The following FAM135B variants were observed in gnomAD, a reference collection of about 807,000 sequenced individuals.
The protein encoded by FAM135B is family with sequence similarity 135 member B, also known as protein FAM135B.
Under a neutral mutation model 127.7 loss-of-function variants are expected in FAM135B, and 43 were observed. The observed-to-expected ratio is 0.34, with a 90% CI of 0.26 to 0.43. The LOEUF is 0.43. Among genes scored for constraint, FAM135B ranks in the 20% least tolerant of loss-of-function variants. The pLI is 1.00. For synonymous variants in FAM135B, 670 were observed against 665.1 expected, an observed-to-expected ratio of 1.01 and a Z score of -0.11; for missense variants, 1,558 against 1,725.6, an observed-to-expected ratio of 0.90 and a Z score of 1.72.
rs1318601129 is a variant in FAM135B at position 138,269,037 on chromosome 8, G to T, written c.158-3195C>A. Among the ~76,000 whole-genome samples, 7 of 152,280 alleles carry T rather than the reference G, an allele frequency of 4.6e-5. No homozygotes were observed. In the East Asian group the frequency reaches 9.7e-4, roughly 21 times the overall value. ...GAGAAAAGAGAATACAGCAGAGGAG[G>T]TAAGAGGAACTCTTCAGGTTTCAGC... On this transcript the variant is annotated intron_variant, in intron 3 of 19. Transcript: ENST00000395297.
In FAM135B at chr8:138,160,570, TG is replaced by T. The variant is rs1233679747; in HGVS notation, c.1258+7324del. On this transcript the variant is annotated intron_variant, in intron 12 of 19. Transcript: ENST00000395297. ...TGCCCAGCTCATTTTTTTTTTTTTT[TG>T]TATTTTAGTGGAGATGGGGTTTCAC... 1.8e-3 allele frequency among the ~76,000 whole-genome samples: 271 copies of T among 149,078 alleles called. 3 individuals carry two copies. Among genetic ancestry groups the T allele is most frequent in the African/African-American group, 5.0e-3 (204 of 40,542 alleles).
chr8:138,390,595 G>A (rs1832512742), intron 1 of FAM135B, among the ~76,000 whole-genome samples: 1 of 152,126 alleles, frequency 6.6e-6, no homozygotes, highest in African/African-American at 2.4e-5. Flanking sequence ...TATCTCCAGT[G>A]CAGAGTAGGT....
chr8:138,332,500 G>A (rs146540430), intron 2 of FAM135B, among the ~76,000 whole-genome samples: 8 of 152,114 alleles, frequency 5.3e-5, no homozygotes, highest in African/African-American at 9.7e-5. Flanking sequence ...ACAAAGTCAC[G>A]TGTGGATTTA....
At chr8:138,408,141 C>A (rs1313061183) in intron 1 of FAM135B, among the ~76,000 whole-genome samples, 1 of 152,124 alleles carries the variant, frequency 6.6e-6, no homozygotes, top group African/African-American at 2.4e-5. Context: ...GCTGCAATAG[C>A]CCCTAACAAA....
intron 1 of FAM135B, among the ~76,000 whole-genome samples, chr8:138,432,664 G>A (rs529684690): frequency 2.0e-5 from 3 of 151,858 alleles, no homozygotes; most frequent in African/African-American, 7.2e-5. Context: ...AACAGAAGAG[G>A]GCAAAATCTA....
intron 14 of FAM135B, among the ~76,000 whole-genome samples, chr8:138,147,666 T>A (rs1177480327): frequency 6.6e-6 from 1 of 152,218 alleles, no homozygotes; most frequent in Admixed American, 6.5e-5. Context: ...GTTGTGGTTT[T>A]CATGACTTGT....
chr8:138,431,309 C>A (rs886336914), intron 1 of FAM135B, among the ~76,000 whole-genome samples: 1 of 152,134 alleles, frequency 6.6e-6, no homozygotes, highest in African/African-American at 2.4e-5. Context: ...ACTGAACTAC[C>A]AAACAAGTAA....
intron 7 of FAM135B, among the ~76,000 whole-genome samples, chr8:138,240,499 T>C (rs1543084): frequency 0.047 from 7,179 of 152,314 alleles, 211 homozygotes; most frequent in Non-Finnish European, 0.059. Flanking sequence ...CTCAGTGTCT[T>C]GCTTCTCAGC....
chr8:138,367,974 T>A lies in FAM135B; in HGVS notation c.10A>T (p.Ile4Leu), dbSNP rs751078339. The change falls in exon 2 of 20, where the codon ATA becomes TTA. Residue 4 changes from isoleucine to leucine, a missense_variant. Physicochemically the swap from Ile to Leu is conservative, Grantham distance 5. Around this residue, in one of 5 missense-constraint regions of FAM135B, gnomAD observed 199 missense variants for 245.7 expected, o/e 0.81. Transcript: ENST00000395297. MSE[I>L]QGTVEFSVEL... is the part of the protein sequence containing the mutation. ...ACCGAAAACTCAACCGTTCCTTGTA[T>A]TTCAGACATGATCTTTTTGGCTCAT... 8.1e-6 allele frequency: 13 copies of A among 1,613,754 alleles called. No homozygotes were observed. Among genetic ancestry groups the A allele is most frequent in the Non-Finnish European group, 6.8e-6 (8 of 1,179,882 alleles).
chr8:138,337,843 A>T (rs1828727041), intron 2 of FAM135B, among the ~76,000 whole-genome samples: 1 of 152,188 alleles, frequency 6.6e-6, no homozygotes, highest in South Asian at 2.1e-4. Context: ...GCATCATGCT[A>T]CCTGACTTCA....
At chr8:138,278,750 G>A (rs1399734972) in intron 3 of FAM135B, among the ~76,000 whole-genome samples, 1 of 151,742 alleles carries the variant, frequency 6.6e-6, no homozygotes, top group Non-Finnish European at 1.5e-5. Context: ...TTTTAGTAGA[G>A]AGGGGGTTTC....
At chr8:138,163,604 C>T (rs923412228) in intron 12 of FAM135B, among the ~76,000 whole-genome samples, 1 of 152,148 alleles carries the variant, frequency 6.6e-6, no homozygotes, top group Non-Finnish European at 1.5e-5. Flanking sequence ...ACTTGGCTCT[C>T]ATTCTCTCTT....
At chr8:138,339,870 T>A (rs906462561) in intron 2 of FAM135B, among the ~76,000 whole-genome samples, 1 of 152,120 alleles carries the variant, frequency 6.6e-6, no homozygotes, top group Admixed American at 6.5e-5. Context: ...TTCATCAGGA[T>A]GGAGAGGAAG....
chr8:138,407,029 T>A (rs905642959), intron 1 of FAM135B, among the ~76,000 whole-genome samples: 1 of 150,610 alleles, frequency 6.6e-6, no homozygotes, highest in African/African-American at 2.5e-5. Context: ...GCCCAAAATC[T>A]CCTTAAGCTG....
intron 13 of FAM135B, among the ~76,000 whole-genome samples, 200 bp downstream of exon 13, chr8:138,150,994 C>T (rs1818090730): frequency 6.6e-6 from 1 of 151,802 alleles, no homozygotes; most frequent in South Asian, 2.1e-4. Context: ...ATTTTTACTT[C>T]CTTTCAGTAT....
intron 2 of FAM135B, among the ~76,000 whole-genome samples, chr8:138,363,610 C>A (rs1437233945): frequency 1.3e-5 from 2 of 152,166 alleles, no homozygotes; most frequent in Non-Finnish European, 2.9e-5. Context: ...TGGATGAAGG[C>A]ATGTTGACTG....
chr8:138,400,970 C>T (rs1833124733), intron 1 of FAM135B, among the ~76,000 whole-genome samples: 1 of 152,206 alleles, frequency 6.6e-6, no homozygotes, highest in Admixed American at 6.5e-5. Context: ...TTGCAAAGGA[C>T]TGTGCACTTA....
chr8:138,383,147 G>A (rs1197186241), intron 1 of FAM135B, among the ~76,000 whole-genome samples: 3 of 152,188 alleles, frequency 2.0e-5, no homozygotes, highest in African/African-American at 4.8e-5. Flanking sequence ...TGAGGTTAAC[G>A]ATCTCCTCCA....
At chr8:138,297,565 A>G (rs975734639) in intron 3 of FAM135B, among the ~76,000 whole-genome samples, 9 of 152,266 alleles carry the variant, frequency 5.9e-5, no homozygotes, top group African/African-American at 2.2e-4. Flanking sequence ...ACATGTGTGT[A>G]GTTAACCTAG....
Sources: gnomAD v4.1 joint callset for allele counts (sites outside exome capture counted in the v4.1 genomes callset) on GRCh38, gnomAD v4.1.1 for gene constraint, gnomAD v4.1.1 regional missense constraint, MANE v1.5 for transcripts, NCBI Gene and HGNC (gene_info 2026-07-23, HGNC 2026-07-21) for gene names.